PTPRD: variants seen among roughly 807,000 people sequenced by gnomAD.
PTPRD encodes receptor-type tyrosine-protein phosphatase delta.
In PTPRD, 34 loss-of-function variants were observed where a neutral mutation model predicts 214.5. The ratio of observed to expected loss-of-function variants is 0.16; its 90% CI spans 0.12 to 0.21. The LOEUF is 0.21. Among genes scored for constraint, PTPRD ranks in the 10% least tolerant of loss-of-function variants. The pLI is 1.00. For synonymous variants in PTPRD, 1,128 were observed against 845.7 expected, an observed-to-expected ratio of 1.33 and a Z score of -5.79; for missense variants, 2,545 against 2,398.7, an observed-to-expected ratio of 1.06 and a Z score of -1.27.
At chr9:9,814,140 G>A (rs1252602767) in intron 5 of PTPRD, among the ~76,000 whole-genome samples, 1 of 152,030 alleles carries the variant, frequency 6.6e-6, no homozygotes, top group Non-Finnish European at 1.5e-5. Flanking sequence ...TAGAAGACAT[G>A]TAAATCAACA....
intron 5 of PTPRD, among the ~76,000 whole-genome samples, chr9:9,837,557 G>A (rs1228384547): frequency 6.6e-6 from 1 of 152,112 alleles, no homozygotes; most frequent in Non-Finnish European, 1.5e-5. Flanking sequence ...TAAGCAACCA[G>A]TCTTTGATTT....
At chr9:8,609,324 G>C (rs1270569764) in intron 14 of PTPRD, among the ~76,000 whole-genome samples, 1 of 152,186 alleles carries the variant, frequency 6.6e-6, no homozygotes, top group Admixed American at 6.5e-5. Flanking sequence ...GCAGCACAGA[G>C]CATAGGAAGG....
chr9:9,535,006 G>C (rs904492182), intron 8 of PTPRD, among the ~76,000 whole-genome samples: 2 of 152,064 alleles, frequency 1.3e-5, no homozygotes, highest in African/African-American at 4.8e-5. Flanking sequence ...ACTAAATGTA[G>C]ACAGCGAAAT....
At chr9:8,443,061 C>T (rs1199544285) in intron 34 of PTPRD, among the ~76,000 whole-genome samples, 1 of 152,182 alleles carries the variant, frequency 6.6e-6, no homozygotes, top group East Asian at 1.9e-4. Context: ...GGGTGGATTA[C>T]TTAAGCGTGG....
chr9:9,633,706 A>C (rs1385063183), intron 7 of PTPRD, among the ~76,000 whole-genome samples: 1 of 152,182 alleles, frequency 6.6e-6, no homozygotes, highest in East Asian at 1.9e-4. Flanking sequence ...ATTTATAGTT[A>C]TAGGGTAAGG....
chr9:8,980,172 T>A (rs181000552), intron 11 of PTPRD, among the ~76,000 whole-genome samples: 76 of 151,758 alleles, frequency 5.0e-4, no homozygotes, highest in African/African-American at 1.8e-3. Context: ...TGAATTTTTT[T>A]AAAAAAAGAA....
At chr9:10,096,685 A>G (rs1429664677) in intron 3 of PTPRD, among the ~76,000 whole-genome samples, 2 of 151,970 alleles carry the variant, frequency 1.3e-5, no homozygotes, top group Non-Finnish European at 2.9e-5. Flanking sequence ...CCCATTCGGT[A>G]GGTTGCCTGT....
chr9:9,500,002 C>T (rs1156260990), intron 8 of PTPRD, among the ~76,000 whole-genome samples: 1 of 152,042 alleles, frequency 6.6e-6, no homozygotes, highest in Non-Finnish European at 1.5e-5. Context: ...TGGGCTGCCC[C>T]TTGAATATTA....
chr9:8,819,402 C>T (rs888705612), intron 11 of PTPRD, among the ~76,000 whole-genome samples: 1 of 152,118 alleles, frequency 6.6e-6, no homozygotes, highest in Non-Finnish European at 1.5e-5. Context: ...GTGGCTCACA[C>T]CTGTAATCCC....
rs3048061 is a variant in PTPRD, at chr9:9,363,111, CTTT to C, written c.-203+34335_-203+34337del. On this transcript the variant is annotated intron_variant, in intron 9 of 45. Coordinates refer to ENST00000381196, the MANE Select transcript of PTPRD (RefSeq NM_002839.4). ...ATCAGGAAATCAGTACTATTTTGTG[CTTT>C]TTTTTTTTTTTTTTTTAACTGTACT... Among the ~76,000 whole-genome samples the C allele has an allele frequency of 5.6e-3, 729 of 129,820 alleles. 6 individuals are homozygous for C. The highest frequency in any genetic ancestry group is 0.015 in the African/African-American group (548 of 35,460). The allele number at this position is 129,820 out of a possible 152,430, so 85.2% of individuals were successfully genotyped here. A position where few individuals can be genotyped will look rare whatever the true frequency, so the allele number is the denominator to read the frequency against.
intron 7 of PTPRD, among the ~76,000 whole-genome samples, chr9:9,716,630 T>G (rs949256394): frequency 1.2e-4 from 18 of 152,188 alleles, no homozygotes; most frequent in Non-Finnish European, 2.4e-4. Flanking sequence ...TTTCATGTGT[T>G]TTTTGGCTGC....
intron 14 of PTPRD, among the ~76,000 whole-genome samples, chr9:8,577,901 G>A (rs1488068946): frequency 6.6e-6 from 1 of 152,138 alleles, no homozygotes; most frequent in African/African-American, 2.4e-5. Flanking sequence ...GCGTACTGAT[G>A]TTTAAGGACC....
At chr9:9,955,002 G>A (rs760266783) in intron 4 of PTPRD, among the ~76,000 whole-genome samples, 14 of 152,064 alleles carry the variant, frequency 9.2e-5, no homozygotes, top group Non-Finnish European at 1.6e-4. Context: ...AAATGTTAAA[G>A]GCCTCCCACT....
At chr9:9,058,983 T>A (rs1053043373) in intron 10 of PTPRD, among the ~76,000 whole-genome samples, 2 of 152,188 alleles carry the variant, frequency 1.3e-5, no homozygotes, top group Middle Eastern at 3.4e-3. Context: ...TTTGAAGGAA[T>A]TTAAGCTGGA....
At chr9:9,235,916 T>C (rs188026184) in intron 9 of PTPRD, among the ~76,000 whole-genome samples, 3 of 152,262 alleles carry the variant, frequency 2.0e-5, no homozygotes, top group East Asian at 1.9e-4. Flanking sequence ...CTTGCATGTC[T>C]CCATGAACTT....
intron 4 of PTPRD, among the ~76,000 whole-genome samples, chr9:10,006,904 T>C (rs1183200947): frequency 1.3e-5 from 2 of 152,000 alleles, no homozygotes; most frequent in Admixed American, 6.6e-5. Flanking sequence ...TGACTTTCAA[T>C]AGTCAAAATT....
At chr9:8,550,515 AT>A (rs2081717923) in intron 14 of PTPRD, among the ~76,000 whole-genome samples, 1 of 152,208 alleles carries the variant, frequency 6.6e-6, no homozygotes, top group Non-Finnish European at 1.5e-5. Flanking sequence ...AGTTGGTTAA[AT>A]GACCTACTGG....
At chr9:8,383,858 G>A (rs2086025005) in intron 37 of PTPRD, among the ~76,000 whole-genome samples, 1 of 152,198 alleles carries the variant, frequency 6.6e-6, no homozygotes, top group South Asian at 2.1e-4. Context: ...AGGCAAGCTG[G>A]TGAGGTGAAG....
intron 3 of PTPRD, among the ~76,000 whole-genome samples, chr9:10,090,951 CACACACACATGCAT>C (rs2098422749): frequency 6.7e-6 from 1 of 148,760 alleles, no homozygotes; most frequent in Non-Finnish European, 1.5e-5. Context: ...CACACACACA[CACACACACATGCAT>C]GTGGTAGAGT....
Sources: gnomAD v4.1 joint callset for allele counts (sites outside exome capture counted in the v4.1 genomes callset) on GRCh38, gnomAD v4.1.1 for gene constraint, MANE v1.5 for transcripts, NCBI Gene and HGNC (gene_info 2026-07-23, HGNC 2026-07-21) for gene names.